EEA1: variants seen among roughly 807,000 people sequenced by gnomAD.
The protein encoded by EEA1 is early endosome antigen 1.
Under a neutral mutation model 209.2 loss-of-function variants are expected in EEA1, and 111 were observed. The observed-to-expected ratio is 0.53, with a 90% CI of 0.45 to 0.62. The LOEUF (loss-of-function observed/expected upper bound fraction) is 0.62. EEA1 is among the 20% of genes least tolerant of loss of function. The pLI is 0.00. For synonymous variants in EEA1, 536 were observed against 540.6 expected (o/e 0.99, Z 0.12); for missense variants, 1,343 against 1,530.8 (o/e 0.88, Z 2.05).
At position 92,851,283 on chromosome 12, in the gene EEA1, T is replaced by TTTAA; in HGVS notation, c.643-21_643-18dup. On this transcript the variant is annotated splice_polypyrimidine_tract_variant and intron_variant, in intron 8 of 28. Transcript: ENST00000322349. ...TCTCTGAAGCTGTGAAACAACACAT[T>TTTAA]TTAATTAAAAATTAAAGTGAAAAAC... 6.3e-7 allele frequency: 1 copy of TTTAA among 1,592,206 alleles called. No homozygotes were observed. The highest frequency in any genetic ancestry group is 8.5e-7 in the Non-Finnish European group (1 of 1,174,270).
At chr12:92,813,267 TA>T (rs1178488276) in intron 15 of EEA1, among the ~76,000 whole-genome samples, 174 bp from the exon 16 acceptor site, 1 of 152,168 alleles carries the variant, frequency 6.6e-6, no homozygotes, top group Non-Finnish European at 1.5e-5. Context: ...ATAGGAATGA[TA>T]GGGGAGAAGA....
chr12:92,780,609 G>T (rs1431925956), intron 23 of EEA1, among the ~76,000 whole-genome samples, 198 bp from the exon 24 acceptor site: 1 of 152,112 alleles, frequency 6.6e-6, no homozygotes, highest in African/African-American at 2.4e-5. Flanking sequence ...TAATTGTAAA[G>T]ATTAAATAGT....
intron 26 of EEA1, 108 bp downstream of exon 26, chr12:92,777,833 G>T: frequency 7.8e-7 from 1 of 1,275,170 alleles, no homozygotes; most frequent in Non-Finnish European, 1.1e-6. Context: ...TACCTATAGA[G>T]GCTTATGCAC....
intron 2 of EEA1, among the ~76,000 whole-genome samples, chr12:92,866,921 T>C (rs1878424112): frequency 1.3e-5 from 2 of 152,166 alleles, no homozygotes; most frequent in Non-Finnish European, 2.9e-5. Context: ...CATTTCTCCT[T>C]TCCATCTTCT....
chr12:92,855,024 C>T (rs1396067485), intron 5 of EEA1, among the ~76,000 whole-genome samples: 1 of 152,188 alleles, frequency 6.6e-6, no homozygotes, highest in Non-Finnish European at 1.5e-5. Context: ...TGAAATCATA[C>T]TTCAAATCAT....
At chr12:92,853,514 A>G (rs969205548) in intron 6 of EEA1, among the ~76,000 whole-genome samples, 1 of 152,196 alleles carries the variant, frequency 6.6e-6, no homozygotes, top group Non-Finnish European at 1.5e-5. Context: ...TGATAAAATT[A>G]GTTATAAAGC....
chr12:92,790,873 G>C (rs1030583548), intron 21 of EEA1, among the ~76,000 whole-genome samples: 1 of 152,310 alleles, frequency 6.6e-6, no homozygotes, highest in Non-Finnish European at 1.5e-5. Context: ...CAGCCAGAGA[G>C]AAAGGTCGGG....
At chr12:92,893,051 A>G (rs1226544288) in intron 1 of EEA1, among the ~76,000 whole-genome samples, 2 of 152,180 alleles carry the variant, frequency 1.3e-5, no homozygotes, top group African/African-American at 2.4e-5. Context: ...ATTACCATCC[A>G]GCTCCAATAC....
At chr12:92,851,867 G>C (rs1180626954) in intron 8 of EEA1, among the ~76,000 whole-genome samples, 3 of 151,984 alleles carry the variant, frequency 2.0e-5, no homozygotes, top group Non-Finnish European at 1.5e-5. Flanking sequence ...AAAGCAGATG[G>C]ATTTATAAAA....
intron 2 of EEA1, 142 bp from the exon 3 acceptor site, chr12:92,865,129 A>G (rs1878320815): frequency 1.8e-6 from 1 of 557,926 alleles, no homozygotes; most frequent in Non-Finnish European, 2.9e-6. Context: ...ATTAATCCCA[A>G]ATTCTAGTAT....
intron 1 of EEA1, among the ~76,000 whole-genome samples, chr12:92,893,861 T>C (rs766589768): frequency 1.3e-5 from 2 of 152,182 alleles, no homozygotes; most frequent in Non-Finnish European, 2.9e-5. Flanking sequence ...TTCCTTTTTT[T>C]TTCCTCATGC....
Position 92,900,148 on chromosome 12 carries a change from A to G in EEA1, c.25-8427T>C, listed in dbSNP as rs1057473223. ...AACAAAAGGGACCAAAAGTCAAATG[A>G]TATTTTTAAAATGGTAGTTAGCACC... On this transcript the variant is annotated intron_variant, in intron 1 of 28. Transcript: ENST00000322349. Among the ~76,000 whole-genome samples, 6 of 152,316 alleles carry G rather than the reference A, an allele frequency of 3.9e-5. No individual in the cohort carries two copies. In the East Asian group the frequency reaches 7.7e-4, roughly 20 times the overall value.
intron 9 of EEA1, 133 bp downstream of exon 9, chr12:92,850,978 T>C (rs1877602405): frequency 1.2e-6 from 1 of 828,252 alleles, no homozygotes; most frequent in East Asian, 2.8e-5. Flanking sequence ...ACAAATATTA[T>C]TCAGATCAAA....
intron 10 of EEA1, among the ~76,000 whole-genome samples, chr12:92,839,310 T>C (rs1365394536): frequency 1.3e-5 from 2 of 152,194 alleles, no homozygotes; most frequent in Non-Finnish European, 2.9e-5. Flanking sequence ...ATTTTAATGT[T>C]ACAGTGTACA....
intron 11 of EEA1, 88 bp from the exon 12 acceptor site, chr12:92,828,149 C>G (rs1027472762): frequency 1.9e-6 from 2 of 1,064,566 alleles, no homozygotes; most frequent in Admixed American, 7.0e-5. Flanking sequence ...TTACTTTTCA[C>G]CAAAATAAGT....
intron 2 of EEA1, among the ~76,000 whole-genome samples, chr12:92,879,573 G>A (rs575341213): frequency 5.2e-4 from 78 of 149,944 alleles, no homozygotes; most frequent in Non-Finnish European, 6.4e-4. Flanking sequence ...GAGAGGGAGG[G>A]AGGGAAGGGG....
Position 92,777,938 on chromosome 12 carries a change from C to T in EEA1, c.3893+3G>A, listed in dbSNP as rs1449783987. The T allele has an allele frequency of 8.7e-6, 14 of 1,606,824 alleles. No individual in the cohort carries two copies. In the East Asian group the frequency reaches 8.9e-5, roughly 10 times the overall value. ...TAAACTAATTTTACTAGATATCAAT[C>T]ACCTTTCCAGTAGTGCTCTCCTTTC... is the stretch of plus-strand genomic sequence containing the variant. On this transcript the variant is annotated splice_donor_region_variant and intron_variant, in intron 26 of 28. Transcript: ENST00000322349.
At chr12:92,842,784 C>T (rs112151034) in intron 9 of EEA1, among the ~76,000 whole-genome samples, 2,823 of 152,260 alleles carry the variant, frequency 0.019, 96 homozygotes, top group African/African-American at 0.063. Context: ...AGATGCATAA[C>T]TTCATTTATT....
intron 24 of EEA1, 26 bp from the exon 25 acceptor site, chr12:92,779,326 A>T: frequency 6.4e-7 from 1 of 1,562,936 alleles, no homozygotes; most frequent in Non-Finnish European, 8.6e-7. Context: ...GGCCAAAAAT[A>T]AATCATCCTT....
Sources: allele counts gnomAD v4.1 joint callset (sites outside exome capture counted in the v4.1 genomes callset), GRCh38; gene constraint gnomAD v4.1.1; transcripts MANE v1.5; gene names NCBI Gene and HGNC (gene_info 2026-07-23, HGNC 2026-07-21).